MPDZ: variants seen among roughly 807,000 people sequenced by gnomAD.
MPDZ encodes multiple PDZ domain crumbs cell polarity complex component.
MPDZ carries 234 observed loss-of-function variants against 239.1 expected under a neutral mutation model. That is an observed-to-expected ratio of 0.98 (90% CI 0.88 to 1.09). MPDZ has a LOEUF of 1.09. Ranked by LOEUF, MPDZ falls within the 50% of genes least tolerant of loss-of-function variation. MPDZ has a pLI of 0.00. For synonymous variants in MPDZ, 1,048 were observed against 881.3 expected, an observed-to-expected ratio of 1.19 and a Z score of -3.35; for missense variants, 3,175 against 2,510.0, an observed-to-expected ratio of 1.26 and a Z score of -5.66.
At chr9:13,125,448 C>T in intron 34 of MPDZ, 58 bp from the exon 35 acceptor site, 4 of 1,452,606 alleles carry the variant, frequency 2.8e-6, no homozygotes, top group South Asian at 1.2e-5. Context: ...AGTAGACATA[C>T]CAATGAGTCA....
chr9:13,150,028 G>C (rs920225344), intron 25 of MPDZ, among the ~76,000 whole-genome samples: 5 of 151,708 alleles, frequency 3.3e-5, no homozygotes, highest in African/African-American at 9.7e-5. Flanking sequence ...TGATAATAAA[G>C]TACTTATTGA....
intron 2 of MPDZ, among the ~76,000 whole-genome samples, chr9:13,248,628 C>G (rs1343581679): frequency 6.6e-6 from 1 of 151,642 alleles, no homozygotes; most frequent in Non-Finnish European, 1.5e-5. Context: ...ATGATGGTAA[C>G]AAGTATATCT....
chr9:13,177,178 T>C (rs1380068732), intron 19 of MPDZ, among the ~76,000 whole-genome samples: 2 of 152,154 alleles, frequency 1.3e-5, no homozygotes, highest in African/African-American at 4.8e-5. Flanking sequence ...ACTTGAGTGC[T>C]TTGGGAAAGC....
At chr9:13,113,793 T>A (rs1942902865) in intron 41 of MPDZ, 138 bp downstream of exon 41, 2 of 668,762 alleles carry the variant, frequency 3.0e-6, no homozygotes, top group Non-Finnish European at 5.1e-6. Flanking sequence ...TTCAGACTTT[T>A]TGCTAACACG....
intron 10 of MPDZ, among the ~76,000 whole-genome samples, chr9:13,207,080 T>C (rs1002255): frequency 6.6e-6 from 1 of 152,162 alleles, no homozygotes; most frequent in Non-Finnish European, 1.5e-5. Context: ...TAGAAGACAG[T>C]GATAAATGTG....
chr9:13,223,135 T>G (rs989760004), intron 5 of MPDZ, among the ~76,000 whole-genome samples: 5 of 152,022 alleles, frequency 3.3e-5, no homozygotes, highest in South Asian at 4.1e-4. Context: ...ATAAGGGACT[T>G]GAGCACCTGC....
intron 45 of MPDZ, 130 bp from the exon 46 acceptor site, chr9:13,109,189 G>T: frequency 1.3e-6 from 1 of 772,354 alleles, no homozygotes; most frequent in Non-Finnish European, 1.7e-6. Flanking sequence ...GTATATTACG[G>T]GTATTTTTGA....
intron 3 of MPDZ, among the ~76,000 whole-genome samples, chr9:13,236,237 G>A (rs1331025161): frequency 1.9e-4 from 2 of 10,648 alleles, no homozygotes; most frequent in African/African-American, 2.7e-4. Flanking sequence ...ATATGTATAT[G>A]TGTGTGTGTG....
rs1217486746 is a variant in MPDZ at position 13,190,216 on chromosome 9, T to C, written c.2052A>G (p.Thr684=). 1 of 1,613,218 alleles carries C rather than the reference T, an allele frequency of 6.2e-7. No individual in the cohort carries two copies. Among genetic ancestry groups the C allele is most frequent in the South Asian group, 1.1e-5 (1 of 91,044 alleles). ...TGGCCAAAGGTGCTTGAACCTCTTC[T>C]GTACTCTGACCCGCATCAGTCATCG... ...VLAMTDAGQS[T]EEVQAPLAMW... Residue 684 remains threonine, a synonymous_variant, in exon 16 of 47, where the codon ACA becomes ACG. Coordinates refer to ENST00000319217, the MANE Select transcript of MPDZ (RefSeq NM_001378778.1).
intron 28 of MPDZ, 128 bp downstream of exon 28, chr9:13,139,859 T>C: frequency 9.3e-7 from 1 of 1,073,436 alleles, no homozygotes; most frequent in Non-Finnish European, 1.4e-6. Context: ...ACTATTTCTT[T>C]CCACACAGAA....
Position 13,176,433 on chromosome 9 carries a change from C to G in MPDZ, c.2650-16G>C. 1 of 1,512,300 alleles carries G rather than the reference C, an allele frequency of 6.6e-7. No individual in the cohort carries two copies. Among genetic ancestry groups the G allele is most frequent in the Non-Finnish European group, 8.9e-7 (1 of 1,128,314 alleles). The allele number at this position is 1,512,300 out of a possible 1,614,324, so 93.7% of individuals were successfully genotyped here. A position where few individuals can be genotyped will look rare whatever the true frequency, so the allele number is the denominator to read the frequency against. ...CAATAACATCCTGGTAGTTAAAAAA[C>G]AACAACAACAAAACATGAAAAATGT... is the stretch of plus-strand genomic sequence containing the variant. On this transcript the variant is annotated splice_polypyrimidine_tract_variant and intron_variant, in intron 19 of 46. Transcript: ENST00000319217.
intron 8 of MPDZ, among the ~76,000 whole-genome samples, chr9:13,218,741 G>A (rs775407789): frequency 2.0e-5 from 3 of 151,854 alleles, no homozygotes; most frequent in Admixed American, 1.3e-4. Context: ...AATATAGGAC[G>A]TGTATTTACT....
rs1027711753 is a variant in MPDZ at position 13,205,054 on chromosome 9, A to G, written c.1528T>C (p.Leu510=). 3 of 1,464,420 alleles carry G rather than the reference A, an allele frequency of 2.0e-6. No homozygotes were observed. Among genetic ancestry groups the G allele is most frequent in the Admixed American group, 2.9e-5 (1 of 34,654 alleles). 90.7% of individuals were successfully genotyped at this position (1,464,420 alleles called of 1,614,324 possible). ...FLSSTRNTNI[L]PTEEEGYPLL... is the part of the protein sequence containing the mutation. ...TGTTTACCTTCTTCTTCAGTTGGTA[A>G]TATGTTGGTGTTTCTCGTCGAAGAT... Residue 510 remains leucine (L), a synonymous_variant, in exon 12 of 47, where the codon TTA becomes CTA. Transcript: ENST00000319217.
chr9:13,116,729 T>C (rs1943515206), intron 39 of MPDZ, among the ~76,000 whole-genome samples: 1 of 152,134 alleles, frequency 6.6e-6, no homozygotes, highest in Non-Finnish European at 1.5e-5. Context: ...TTTAAAAAAG[T>C]GTTAATTTTT....
chr9:13,133,606 A>G (rs1298573540), intron 32 of MPDZ, among the ~76,000 whole-genome samples: 1 of 152,208 alleles, frequency 6.6e-6, no homozygotes, highest in African/African-American at 2.4e-5. Flanking sequence ...GTAAACGTGC[A>G]TCAGGCGGGT....
At chr9:13,114,430 T>A (rs1169000198) in intron 40 of MPDZ, among the ~76,000 whole-genome samples, 1 of 152,156 alleles carries the variant, frequency 6.6e-6, no homozygotes, top group Non-Finnish European at 1.5e-5. Context: ...GACAGACTGA[T>A]GAAAATGGGT....
rs543829837 is a variant in MPDZ at position 13,119,823 on chromosome 9, A to C, written c.5232-174T>G. 1.0e-4 allele frequency: 70 copies of C among 671,856 alleles called. No homozygotes were observed. The South Asian group carries it at 1.3e-3, about 12-fold the overall frequency. 41.6% of individuals were successfully genotyped at this position (671,856 alleles called of 1,614,324 possible). ...AGAATTATATTTTTTGATAAATAAC[A>C]GCTTATGTCTTACAGTGCTTCATAG... is the stretch of plus-strand genomic sequence containing the variant. On this transcript the variant is annotated intron_variant, in intron 38 of 46. Transcript: ENST00000319217.
Position 13,151,260 on chromosome 9 carries a change from A to G in MPDZ, c.3453-572T>C, listed in dbSNP as rs537134098. ...TGGAAAAGAGTATATAGGTTCCTCA[A>G]AAAATTAAAAATAGAATTATCATAT... is the stretch of plus-strand genomic sequence containing the variant. On this transcript the variant is annotated intron_variant, in intron 24 of 46. Coordinates refer to ENST00000319217, the MANE Select transcript of MPDZ (RefSeq NM_001378778.1). Among the ~76,000 whole-genome samples the G allele has an allele frequency of 2.0e-5, 3 of 152,178 alleles. No individual in the cohort carries two copies. The South Asian group carries it at 6.2e-4, about 32-fold the overall frequency.
At chr9:13,209,277 CAT>C (rs1193700377) in intron 10 of MPDZ, among the ~76,000 whole-genome samples, 4 of 152,180 alleles carry the variant, frequency 2.6e-5, no homozygotes, top group Non-Finnish European at 4.4e-5. Flanking sequence ...CTTAACCACA[CAT>C]GTGTGCATAC....
Sources: allele counts gnomAD v4.1 joint callset (sites outside exome capture counted in the v4.1 genomes callset), GRCh38; gene constraint gnomAD v4.1.1; transcripts MANE v1.5; gene names NCBI Gene and HGNC (gene_info 2026-07-23, HGNC 2026-07-21).